The following SH3PXD2A variants were observed in gnomAD, a reference collection of about 807,000 sequenced individuals.
SH3PXD2A encodes SH3 and PX domain-containing protein 2A.
A neutral mutation model predicts 115.2 loss-of-function variants in SH3PXD2A; 32 were observed. The ratio of observed to expected loss-of-function variants is 0.28; its 90% CI spans 0.21 to 0.37. The LOEUF (loss-of-function observed/expected upper bound fraction) is 0.37. Among genes scored for constraint, SH3PXD2A ranks in the 10% least tolerant of loss-of-function variants. The pLI, the probability that SH3PXD2A is intolerant of heterozygous loss-of-function variation, is 1.00. For missense variants in SH3PXD2A, 1,328 were observed against 1,498.7 expected (o/e 0.89, Z 1.88); for synonymous variants, 610 against 629.1 (o/e 0.97, Z 0.45).
chr10:103,783,303 A>C (rs1317162995), intron 2 of SH3PXD2A, among the ~76,000 whole-genome samples: 1 of 152,190 alleles, frequency 6.6e-6, no homozygotes. Flanking sequence ...ATTCGTGGGA[A>C]GACTGGATTA....
intron 2 of SH3PXD2A, among the ~76,000 whole-genome samples, chr10:103,783,452 G>C (rs1248858504): frequency 1.6e-5 from 1 of 63,804 alleles, no homozygotes; most frequent in Admixed American, 2.2e-4. Flanking sequence ...CTGTCTCTGG[G>C]GGGCAGAGTC....
rs1047034232 is a variant in SH3PXD2A at position 103,705,861 on chromosome 10, G to A, written c.399-12805C>T. ...AAAATACAAAAATTAGCTGGGTGTG[G>A]TGGTGTGCACCAGTAATCCCAGCTA... On this transcript the variant is annotated intron_variant, in intron 5 of 14. Transcript: ENST00000369774. 3.3e-5 allele frequency among the ~76,000 whole-genome samples: 5 copies of A among 152,272 alleles called. No homozygotes were observed. The South Asian group carries it at 1.0e-3, about 32-fold the overall frequency.
chr10:103,666,398 G>A lies in SH3PXD2A; in HGVS notation c.472+2210C>T, dbSNP rs189487882. Among the ~76,000 whole-genome samples the A allele has an allele frequency of 7.5e-4, 114 of 152,278 alleles. 1 individual carries two copies. The highest frequency in any genetic ancestry group is 2.6e-3 in the African/African-American group (110 of 41,542). On this transcript the variant is annotated intron_variant, in intron 7 of 14. Coordinates refer to ENST00000369774, the MANE Select transcript of SH3PXD2A (RefSeq NM_001394015.1). This position sits in a 1 kb window ranked among gnomAD's most constrained non-coding sequence, Gnocchi z 4.5. Reference sequence around the variant, plus strand: ...TCTCCCCAAGCATCTCTGTCCTCCAGGAGGCTCCTGATCACTCTTGTTCCC... The same window carrying A: ...TCTCCCCAAGCATCTCTGTCCTCCAAGAGGCTCCTGATCACTCTTGTTCCC...
intron 8 of SH3PXD2A, among the ~76,000 whole-genome samples, chr10:103,642,817 C>A (rs935428581): frequency 2.0e-5 from 3 of 152,110 alleles, no homozygotes; most frequent in Non-Finnish European, 2.9e-5. Context: ...CGTACATGTA[C>A]GAGTTTGTAT....
In SH3PXD2A at chr10:103,601,750, G is replaced by C. The variant is rs145697889; in HGVS notation, c.*66C>G. 1.9e-4 allele frequency: 138 copies of C among 741,238 alleles called. No homozygotes were observed. The African/African-American group carries it at 2.3e-3, about 12-fold the overall frequency. 45.9% of individuals were successfully genotyped at this position (741,238 alleles called of 1,614,324 possible). A position where few individuals can be genotyped will look rare whatever the true frequency, so the allele number is the denominator to read the frequency against. ...CCATTTTTTCCTTTCCCTTTTGTTC[G>C]TCTCACCGCTCATCCAGTGGGCGGC... is the stretch of plus-strand genomic sequence containing the variant. On this transcript the variant is annotated 3_prime_UTR_variant, in exon 15 of 15. Transcript: ENST00000369774.
At position 103,661,119 on chromosome 10, in the gene SH3PXD2A, C is replaced by T. The variant is rs775763141; in HGVS notation, c.473-5G>A. 9 of 1,612,018 alleles carry T rather than the reference C, an allele frequency of 5.6e-6. No individual in the cohort carries two copies. The highest frequency in any genetic ancestry group is 6.8e-6 in the Non-Finnish European group (8 of 1,178,998). Reference sequence around the variant, plus strand: ...GCTCGGCGGTGGCGTCGGCACCTGGCGAGGGCAGAAAGCACGCGGTGAGCC... The same window carrying T: ...GCTCGGCGGTGGCGTCGGCACCTGGTGAGGGCAGAAAGCACGCGGTGAGCC... On this transcript the variant is annotated splice_region_variant and splice_polypyrimidine_tract_variant and intron_variant, in intron 7 of 14. Coordinates refer to ENST00000369774, the MANE Select transcript of SH3PXD2A (RefSeq NM_001394015.1).
At position 103,601,557 on chromosome 10, in the gene SH3PXD2A, T is replaced by C. The variant is rs1244924510; in HGVS notation, c.*259A>G. Reference sequence around the variant, plus strand: ...TATGGTGCACAGGATATCTCAGCTTTCTTGGCTCTGGGTCCCAGGCCTGGG... The same window carrying C: ...TATGGTGCACAGGATATCTCAGCTTCCTTGGCTCTGGGTCCCAGGCCTGGG... On this transcript the variant is annotated 3_prime_UTR_variant, in exon 15 of 15. Transcript: ENST00000369774. 2.5e-6 allele frequency: 1 copy of C among 401,354 alleles called. No individual in the cohort carries two copies. The highest frequency in any genetic ancestry group is 2.0e-5 in the African/African-American group (1 of 50,196). 24.9% of individuals were successfully genotyped at this position (401,354 alleles called of 1,614,324 possible).
chr10:103,790,186 G>A (rs1434173282), intron 2 of SH3PXD2A, among the ~76,000 whole-genome samples: 4 of 149,892 alleles, frequency 2.7e-5, no homozygotes, highest in African/African-American at 4.9e-5. Flanking sequence ...ATGGAGTCTC[G>A]CTGTGTCGCC....
intron 3 of SH3PXD2A, among the ~76,000 whole-genome samples, chr10:103,738,550 T>C (rs1280745490): frequency 6.7e-6 from 1 of 150,236 alleles, no homozygotes; most frequent in Non-Finnish European, 1.5e-5. Flanking sequence ...TGAAGGACTG[T>C]CTGAGATACA....
rs2037380983 is a variant in SH3PXD2A, at chr10:103,666,146, A to T, written c.472+2462T>A. Among the ~76,000 whole-genome samples the T allele has an allele frequency of 6.6e-6, 1 of 152,170 alleles. No homozygotes were observed. The highest frequency in any genetic ancestry group is 6.5e-5 in the Admixed American group (1 of 15,286). Reference sequence around the variant, plus strand: ...CTCTTGCCTATAAAGGACAAATTCAAGCCCAGTCTTTCTTGCCAATCTGAG... The same window carrying T: ...CTCTTGCCTATAAAGGACAAATTCATGCCCAGTCTTTCTTGCCAATCTGAG... On this transcript the variant is annotated intron_variant, in intron 7 of 14. Coordinates refer to ENST00000369774, the MANE Select transcript of SH3PXD2A (RefSeq NM_001394015.1). This position sits in a 1 kb window ranked among gnomAD's most constrained non-coding sequence, Gnocchi z 4.5.
intron 4 of SH3PXD2A, among the ~76,000 whole-genome samples, chr10:103,731,186 G>T (rs2038315638): frequency 6.6e-6 from 1 of 151,346 alleles, no homozygotes; most frequent in African/African-American, 2.4e-5. Flanking sequence ...TTTGAAACAG[G>T]GTCTCACTGT....
At chr10:103,749,849 G>A (rs943055383) in intron 3 of SH3PXD2A, 3 of 152,236 alleles carry the variant, frequency 2.0e-5, no homozygotes, top group Admixed American at 6.5e-5. Flanking sequence ...GGAGATCCAT[G>A]TGGCAAGGAG....
intron 6 of SH3PXD2A, among the ~76,000 whole-genome samples, 178 bp downstream of exon 6, chr10:103,692,850 G>T (rs978133424): frequency 6.6e-6 from 1 of 152,164 alleles, no homozygotes. Context: ...GGTCTCAGGG[G>T]CCATGGACTG....
At position 103,598,209 on chromosome 10, in the gene SH3PXD2A, A is replaced by C. The variant is rs2036161409; in HGVS notation, c.*3607T>G. On this transcript the variant is annotated 3_prime_UTR_variant, in exon 15 of 15. Coordinates refer to ENST00000369774, the MANE Select transcript of SH3PXD2A (RefSeq NM_001394015.1). The stretch of plus-strand genomic sequence containing the variant: ...AGGGTAGACGGGGCTGAGGCCTGGC[A>C]AGACAGCCCGTCTACAGTCATTGGA... 2.0e-5 allele frequency: 3 copies of C among 152,692 alleles called. No individual in the cohort carries two copies. The highest frequency in any genetic ancestry group is 4.4e-5 in the Non-Finnish European group (3 of 68,052). 9.5% of individuals were successfully genotyped at this position (152,692 alleles called of 1,614,324 possible). A position where few individuals can be genotyped will look rare whatever the true frequency, so the allele number is the denominator to read the frequency against.
chr10:103,839,645 G>A lies in SH3PXD2A; in HGVS notation c.72+15550C>T, dbSNP rs55973153. On this transcript the variant is annotated intron_variant, in intron 1 of 14. Coordinates refer to ENST00000369774, the MANE Select transcript of SH3PXD2A (RefSeq NM_001394015.1). ...CACGCAGCCCCTCCCCAGAGGCCAC[G>A]CAGCCCCTGAGTGGCAAGGCTGGGA... Among the ~76,000 whole-genome samples the A allele has an allele frequency of 2.0e-3, 274 of 139,976 alleles. 1 individual carries two copies. Among genetic ancestry groups the A allele is most frequent in the African/African-American group, 6.8e-3 (260 of 37,980 alleles). 91.8% of individuals were successfully genotyped at this position (139,976 alleles called of 152,430 possible).
intron 3 of SH3PXD2A, among the ~76,000 whole-genome samples, chr10:103,752,612 A>G (rs1437354927): frequency 1.3e-5 from 2 of 152,222 alleles, no homozygotes; most frequent in African/African-American, 4.8e-5. Context: ...TCCCTCACCA[A>G]GTTTTAGGAA....
At chr10:103,621,042 A>C (rs2036595579) in intron 10 of SH3PXD2A, among the ~76,000 whole-genome samples, 1 of 152,028 alleles carries the variant, frequency 6.6e-6, no homozygotes, top group Non-Finnish European at 1.5e-5. Flanking sequence ...GGAATTGTGT[A>C]TGTGTATTGT....
chr10:103,807,234 A>T (rs192601057), intron 1 of SH3PXD2A, among the ~76,000 whole-genome samples: 3,176 of 152,278 alleles, frequency 0.021, 57 homozygotes, highest in Middle Eastern at 0.044. Flanking sequence ...CAGCCCAACC[A>T]TTCCTAGAAG....
chr10:103,710,472 A>C (rs1033141594), intron 5 of SH3PXD2A, among the ~76,000 whole-genome samples: 1 of 152,200 alleles, frequency 6.6e-6, no homozygotes, highest in Non-Finnish European at 1.5e-5. Flanking sequence ...TCTAGACCTC[A>C]TAGTAACCCT....
Sources: gnomAD v4.1 joint callset for allele counts (sites outside exome capture counted in the v4.1 genomes callset) on GRCh38, gnomAD v4.1.1 for gene constraint, Gnocchi (gnomAD v3.1) non-coding constraint, MANE v1.5 for transcripts, NCBI Gene and HGNC (gene_info 2026-07-23, HGNC 2026-07-21) for gene names.